Variants in ELAC2 observed in about 807,000 individuals in gnomAD.
ELAC2 encodes elaC ribonuclease Z 2, also known as zinc phosphodiesterase ELAC protein 2.
Under a neutral mutation model 105.2 loss-of-function variants are expected in ELAC2, and 92 were observed. The ratio of observed to expected loss-of-function variants is 0.87; its 90% CI spans 0.74 to 1.04. The LOEUF (loss-of-function observed/expected upper bound fraction) is 1.04, where lower values mean the gene tolerates loss of function less well. Among genes scored for constraint, ELAC2 ranks in the 50% least tolerant of loss-of-function variants. The pLI, the probability that ELAC2 is intolerant of heterozygous loss-of-function variation, is 0.00. For synonymous variants in ELAC2, 468 were observed against 409.1 expected (o/e 1.14, Z -1.74); for missense variants, 1,099 against 1,071.7 (o/e 1.03, Z -0.36).
rs733890 is a variant in ELAC2 at position 13,014,737 on chromosome 17, C to T, written c.433-241G>A. On this transcript the variant is annotated intron_variant, in intron 4 of 23. Transcript: ENST00000338034. ...CCAGTGGAGGAGACAAAAGGAAACA[C>T]GATAACAGAAACAGCTTAGTGGCAT... Among the ~76,000 whole-genome samples the T allele has an allele frequency of 0.29, 44,371 of 151,926 alleles. 6,750 individuals carry two copies. Among genetic ancestry groups the T allele is most frequent in the Middle Eastern group, 0.33 (97 of 294 alleles).
At chr17:13,016,512 C>T (rs965680847) in intron 3 of ELAC2, among the ~76,000 whole-genome samples, 2 of 152,076 alleles carry the variant, frequency 1.3e-5, no homozygotes, top group East Asian at 1.9e-4. Flanking sequence ...AGGCCAGGTG[C>T]GGTGGCTCAT....
rs765014399 is a variant in ELAC2 at position 13,010,631 on chromosome 17, G to C, written c.720C>G (p.Val240=). Residue 240 remains valine (V), a synonymous_variant, in exon 8 of 24, where the codon GTC becomes GTG. Transcript: ENST00000338034. ...QRRGVRDSSL[V]VAFICKLHLK... is the part of the protein sequence containing the mutation. ...TCCTTACCTTACAGATGAAAGCTAC[G>C]ACCAGGGAAGAGTCCCTGACCCCTC... 4 of 1,613,922 alleles carry C rather than the reference G, an allele frequency of 2.5e-6. No homozygotes were observed. Among genetic ancestry groups the C allele is most frequent in the Non-Finnish European group, 3.4e-6 (4 of 1,180,018 alleles).
Position 12,995,060 on chromosome 17 carries a change from A to G in ELAC2, c.1811T>C (p.Met604Thr), listed in dbSNP as rs2040402411. The part of the protein sequence containing the change: ...QCQEVLHHIS[M>T]IPAKCLQEGA... ...TTCCTGAAGGCATTTGGCAGGAATC[A>G]TACTGTAAAAAGACAAAACATTTAA... Residue 604 changes from methionine to threonine, a missense_variant and splice_region_variant, in exon 20 of 24, where the codon ATG (methionine) becomes ACG (threonine). Coordinates refer to ENST00000338034, the MANE Select transcript of ELAC2 (RefSeq NM_018127.7). 6.2e-7 allele frequency: 1 copy of G among 1,614,120 alleles called. No individual in the cohort carries two copies. Among genetic ancestry groups the G allele is most frequent in the Non-Finnish European group, 8.5e-7 (1 of 1,179,956 alleles).
chr17:13,002,512 G>A lies in ELAC2; in HGVS notation c.1147C>T (p.His383Tyr), dbSNP rs187129692. 8.1e-6 allele frequency: 13 copies of A among 1,605,630 alleles called. No individual in the cohort carries two copies. The highest frequency in any genetic ancestry group is 1.1e-5 in the Non-Finnish European group (13 of 1,175,486). The change falls in exon 13 of 24, where the codon CAC becomes TAC. Residue 383 changes from histidine to tyrosine, a missense_variant. Coordinates refer to ENST00000338034, the MANE Select transcript of ELAC2 (RefSeq NM_018127.7). Reference protein sequence around the residue: ...NCASVHNLRSHKIQTQLNLIH... With the variant: ...NCASVHNLRSYKIQTQLNLIH... Reference sequence around the variant, plus strand: ...AGGTTGAGCTGGGTTTGAATCTTGTGGCTGCGAAGGTTGTGAACTGAGGCA... The same window carrying A: ...AGGTTGAGCTGGGTTTGAATCTTGTAGCTGCGAAGGTTGTGAACTGAGGCA...
At chr17:12,995,207 C>G in intron 19 of ELAC2, 145 bp from the exon 20 acceptor site, 1 of 915,908 alleles carries the variant, frequency 1.1e-6, no homozygotes, top group Non-Finnish European at 1.7e-6. Flanking sequence ...GAGGAAACAG[C>G]AGTCAAATAT....
At chr17:13,010,040 A>G (rs569824639) in intron 8 of ELAC2, among the ~76,000 whole-genome samples, 1 of 152,030 alleles carries the variant, frequency 6.6e-6, no homozygotes, top group East Asian at 1.9e-4. Flanking sequence ...CTGGAAAAAA[A>G]TTTAAAAGGA....
intron 6 of ELAC2, among the ~76,000 whole-genome samples, chr17:13,012,269 T>C (rs1363144366): frequency 6.6e-6 from 1 of 152,222 alleles, no homozygotes; most frequent in Admixed American, 6.5e-5. Flanking sequence ...AAACTGAGCA[T>C]GTTAACATCG....
At chr17:12,993,106 C>T in intron 23 of ELAC2, 61 bp from the exon 24 acceptor site, 1 of 1,535,140 alleles carries the variant, frequency 6.5e-7, no homozygotes, top group Non-Finnish European at 8.9e-7. Context: ...GGGACAGGAG[C>T]TGGAAGGGAT....
intron 14 of ELAC2, 39 bp from the exon 15 acceptor site, chr17:13,000,313 G>A (rs1374802146): frequency 6.3e-7 from 1 of 1,581,106 alleles, no homozygotes; most frequent in Admixed American, 1.7e-5. Flanking sequence ...TGACGGACAG[G>A]GTATATGGCC....
chr17:12,993,873 G>C (rs760310820), intron 22 of ELAC2, 42 bp from the exon 23 acceptor site: 2 of 1,613,382 alleles, frequency 1.2e-6, no homozygotes, highest in Non-Finnish European at 1.7e-6. Flanking sequence ...GAACTCAACT[G>C]CAAGACTGCA....
At position 13,002,467 on chromosome 17, in the gene ELAC2, G is replaced by A. The variant is rs1481167320; in HGVS notation, c.1192C>T (p.Pro398Ser). ...TTACAGCGGAAACTGGTGAGCAGGGGGAAGATGTCCGGGTGGATGAGGTTG... is the reference window on the plus strand; with the variant it reads ...TTACAGCGGAAACTGGTGAGCAGGGAGAAGATGTCCGGGTGGATGAGGTTG... ...QLNLIHPDIF[P>S]LLTSFRCKKE... The change falls in exon 13 of 24, where the codon CCC becomes TCC. Residue 398 changes from proline to serine, a missense_variant. By Grantham distance (74) the Pro-to-Ser change is moderately conservative (BLOSUM62 -1). Coordinates refer to ENST00000338034, the MANE Select transcript of ELAC2 (RefSeq NM_018127.7). 1.2e-6 allele frequency: 2 copies of A among 1,611,096 alleles called. No individual in the cohort carries two copies. The highest frequency in any genetic ancestry group is 1.1e-5 in the South Asian group (1 of 90,568).
intron 1 of ELAC2, 40 bp downstream of exon 1, chr17:13,017,663 C>T (rs2041821912): frequency 1.9e-6 from 3 of 1,612,892 alleles, no homozygotes; most frequent in African/African-American, 2.7e-5. Flanking sequence ...CTGCGCCGCA[C>T]TGAGGGCCCA....
rs1047109143 is a variant in ELAC2 at position 12,991,856 on chromosome 17, C to T, written c.*962G>A. Among the ~76,000 whole-genome samples the T allele has an allele frequency of 5.4e-5, 8 of 149,092 alleles. No individual in the cohort carries two copies. The highest frequency in any genetic ancestry group is 9.0e-5 in the Non-Finnish European group (6 of 66,758). ...ATAAATACTAGATTCAACTTACTTA[C>T]TTACTTACTTACTTTACTTACTTAC... On this transcript the variant is annotated 3_prime_UTR_variant, in exon 24 of 24. Coordinates refer to ENST00000338034, the MANE Select transcript of ELAC2 (RefSeq NM_018127.7).
chr17:12,996,676 C>G lies in ELAC2; in HGVS notation c.1530G>C (p.Thr510=). The change falls in exon 17 of 24, where the codon ACG becomes ACC. Residue 510 remains threonine (T), a synonymous_variant. Coordinates refer to ENST00000338034, the MANE Select transcript of ELAC2 (RefSeq NM_018127.7). ...CCTCACCACAGTCCAGTAGCAGAGACGTGTCGGGGCTGCAGAAGAGAAGAG... is the reference window on the plus strand; with the variant it reads ...CCTCACCACAGTCCAGTAGCAGAGAGGTGTCGGGGCTGCAGAAGAGAAGAG... ...SATLVNISPD[T]SLLLDCGEGT... 6.2e-7 allele frequency: 1 copy of G among 1,613,552 alleles called. No homozygotes were observed. Among genetic ancestry groups the G allele is most frequent in the Non-Finnish European group, 8.5e-7 (1 of 1,179,888 alleles).
intron 8 of ELAC2, among the ~76,000 whole-genome samples, chr17:13,008,522 A>AC (rs1192621793): frequency 6.6e-6 from 1 of 151,744 alleles, no homozygotes; most frequent in African/African-American, 2.4e-5. Context: ...AAAAAAGAAA[A>AC]AAAAAGGTAC....
intron 16 of ELAC2, 65 bp downstream of exon 16, chr17:12,998,347 A>G: frequency 6.9e-7 from 1 of 1,456,254 alleles, no homozygotes; most frequent in African/African-American, 1.4e-5. Context: ...TGAGTACAGC[A>G]GGACTTTTGT....
At chr17:13,017,279 T>C (rs1014205217) in intron 1 of ELAC2, 158 bp from the exon 2 acceptor site, 4 of 806,596 alleles carry the variant, frequency 5.0e-6, no homozygotes, top group Non-Finnish European at 8.2e-6. Flanking sequence ...CTGGTGGGTT[T>C]TGAGCCCTCC....
At chr17:13,015,955 C>T (rs1422542993) in intron 3 of ELAC2, 123 bp from the exon 4 acceptor site, 12 of 791,170 alleles carry the variant, frequency 1.5e-5, no homozygotes, top group Middle Eastern at 2.2e-4. Context: ...GGAAGTACAA[C>T]CAGGGAAGAT....
intron 7 of ELAC2, 140 bp downstream of exon 7, chr17:13,011,523 C>A: frequency 7.0e-7 from 1 of 1,424,884 alleles, no homozygotes; most frequent in Non-Finnish European, 9.8e-7. Context: ...CCCCAACGGG[C>A]CAAGTTATAG....
Sources: gnomAD v4.1 joint callset for allele counts (sites outside exome capture counted in the v4.1 genomes callset) on GRCh38, gnomAD v4.1.1 for gene constraint, MANE v1.5 for transcripts, NCBI Gene and HGNC (gene_info 2026-07-23, HGNC 2026-07-21) for gene names.